Variants in GPC6 observed in about 807,000 individuals in gnomAD.
GPC6 encodes the protein glypican-6.
GPC6 carries 14 observed loss-of-function variants against 55.2 expected under a neutral mutation model. The observed-to-expected ratio is 0.25, with a 90% CI of 0.17 to 0.40. The LOEUF is 0.40. GPC6 is among the 10% of genes least tolerant of loss of function. The probability of loss-of-function intolerance (pLI) is 1.00; values close to 1 mark genes in which losing one functional copy is unlikely to be tolerated. For missense variants in GPC6, 641 were observed against 708.5 expected (o/e 0.90, Z 1.08); for synonymous variants, 278 against 259.6 (o/e 1.07, Z -0.68).
At chr13:94,102,829 G>A (rs1388804359) in intron 4 of GPC6, among the ~76,000 whole-genome samples, 1 of 152,080 alleles carries the variant, frequency 6.6e-6, no homozygotes. Context: ...CCACTAACAG[G>A]CTTTGTAATC....
intron 2 of GPC6, among the ~76,000 whole-genome samples, chr13:93,584,889 C>A (rs1877120844): frequency 6.6e-6 from 1 of 151,786 alleles, no homozygotes; most frequent in African/African-American, 2.4e-5. Context: ...TGGGTTTCAC[C>A]ACATTGCCCA....
intron 3 of GPC6, among the ~76,000 whole-genome samples, chr13:93,865,320 G>A (rs1336486219): frequency 2.6e-5 from 4 of 151,694 alleles, no homozygotes; most frequent in Non-Finnish European, 5.9e-5. Flanking sequence ...AATGATAAAT[G>A]TCTGGCCTAC....
Position 93,879,549 on chromosome 13 carries a change from A to G in GPC6, c.711+49004A>G, listed in dbSNP as rs1178036390. ...AAACTGGATCCCTTCCTTACACCTT[A>G]TACAAAAATCAATTCAAGATGGATT... On this transcript the variant is annotated intron_variant, in intron 3 of 8. Transcript: ENST00000377047. 4.0e-5 allele frequency among the ~76,000 whole-genome samples: 6 copies of G among 151,816 alleles called. No homozygotes were observed. In the South Asian group the frequency reaches 1.0e-3, roughly 26 times the overall value.
At chr13:93,484,250 T>C (rs4123444) in intron 1 of GPC6, among the ~76,000 whole-genome samples, 121,004 of 151,972 alleles carry the variant, frequency 0.8, 48,330 homozygotes, top group East Asian at 0.99. Context: ...TATCATTTTC[T>C]GTAGGATATT....
chr13:93,579,445 A>C (rs1342742522), intron 2 of GPC6, among the ~76,000 whole-genome samples: 1 of 151,932 alleles, frequency 6.6e-6, no homozygotes, highest in Non-Finnish European at 1.5e-5. Flanking sequence ...AAGAAGGAGG[A>C]GAAAAAGGAG....
At chr13:93,938,146 C>A (rs1280469375) in intron 3 of GPC6, among the ~76,000 whole-genome samples, 2 of 152,022 alleles carry the variant, frequency 1.3e-5, no homozygotes, top group African/African-American at 4.8e-5. Flanking sequence ...TACTGTAATA[C>A]CTTTAAAAAA....
chr13:93,574,126 C>A (rs562774667), intron 2 of GPC6, among the ~76,000 whole-genome samples: 34 of 152,170 alleles, frequency 2.2e-4, no homozygotes, highest in African/African-American at 7.9e-4. Flanking sequence ...AATTTGCATA[C>A]CGTTAGAGGC....
At chr13:93,267,733 A>T (rs1877372152) in intron 1 of GPC6, among the ~76,000 whole-genome samples, 1 of 152,204 alleles carries the variant, frequency 6.6e-6, no homozygotes, top group South Asian at 2.1e-4. Flanking sequence ...AGTATTATCT[A>T]CTGCTTTCCA....
At chr13:94,115,565 G>A (rs945632751) in intron 4 of GPC6, among the ~76,000 whole-genome samples, 1 of 152,094 alleles carries the variant, frequency 6.6e-6, no homozygotes, top group Admixed American at 6.6e-5. Context: ...AAACCAGCTA[G>A]TCATGACCAG....
At chr13:93,393,630 T>TTCTC (rs386380249) in intron 1 of GPC6, among the ~76,000 whole-genome samples, 9 of 65,914 alleles carry the variant, frequency 1.4e-4, no homozygotes, top group East Asian at 8.4e-4. Flanking sequence ...CTTAGACCTG[T>TTCTC]TCTCTCTCTC....
chr13:93,954,994 C>T (rs1879435660), intron 3 of GPC6, among the ~76,000 whole-genome samples: 1 of 152,098 alleles, frequency 6.6e-6, no homozygotes, highest in Admixed American at 6.6e-5. Flanking sequence ...TTCCCTCCAC[C>T]AGTGACATCT....
chr13:93,358,989 G>GT (rs1555293629), intron 1 of GPC6, among the ~76,000 whole-genome samples: 86 of 54,988 alleles, frequency 1.6e-3, no homozygotes, highest in East Asian at 1.9e-3. Context: ...TTTTTTTTTT[G>GT]TTTTTTTTTT....
intron 4 of GPC6, among the ~76,000 whole-genome samples, chr13:94,281,762 TC>T (rs1330840187): frequency 6.6e-6 from 1 of 152,178 alleles, no homozygotes; most frequent in Non-Finnish European, 1.5e-5. Context: ...TCAGAATTGT[TC>T]CCTTCTTCCA....
intron 4 of GPC6, among the ~76,000 whole-genome samples, chr13:94,044,855 C>T (rs909331196): frequency 1.3e-5 from 2 of 151,628 alleles, no homozygotes; most frequent in African/African-American, 4.8e-5. Context: ...TTAATTTTTC[C>T]ACCTATTCAT....
chr13:93,981,013 T>G (rs1880779560), intron 3 of GPC6, among the ~76,000 whole-genome samples: 1 of 152,172 alleles, frequency 6.6e-6, no homozygotes, highest in Non-Finnish European at 1.5e-5. Flanking sequence ...AAAGCTATTT[T>G]CTATTACCTC....
chr13:94,088,762 A>G (rs9561498), intron 4 of GPC6, among the ~76,000 whole-genome samples: 120,411 of 152,058 alleles, frequency 0.79, 48,015 homozygotes, highest in South Asian at 0.88. Context: ...AGACTCCAAC[A>G]GAGTATAGCA....
chr13:93,695,042 T>C (rs1882399898), intron 2 of GPC6, among the ~76,000 whole-genome samples: 2 of 152,124 alleles, frequency 1.3e-5, no homozygotes, highest in Admixed American at 6.5e-5. Flanking sequence ...TCAGAAACGA[T>C]GCATATGTGA....
chr13:93,355,254 C>T (rs1222559202), intron 1 of GPC6, among the ~76,000 whole-genome samples: 1 of 152,154 alleles, frequency 6.6e-6, no homozygotes, highest in Non-Finnish European at 1.5e-5. Context: ...TAGCCATTTT[C>T]TGCTGACGTG....
At position 93,302,211 on chromosome 13, in the gene GPC6, G is replaced by A. The variant is rs117615163; in HGVS notation, c.160+74595G>A. Among the ~76,000 whole-genome samples, 173 of 152,270 alleles carry A rather than the reference G, an allele frequency of 1.1e-3. 1 individual carries two copies. Among genetic ancestry groups the A allele is most frequent in the Middle Eastern group, 3.4e-3 (1 of 294 alleles). On this transcript the variant is annotated intron_variant, in intron 1 of 8. Coordinates refer to ENST00000377047, the MANE Select transcript of GPC6 (RefSeq NM_005708.5). Reference sequence around the variant, plus strand: ...TATTTTAAACATTAAATCTTAAAACGTGTGGGATCTGGTGTGTTTCCTGCC... The same window carrying A: ...TATTTTAAACATTAAATCTTAAAACATGTGGGATCTGGTGTGTTTCCTGCC...
Sources: allele counts gnomAD v4.1 joint callset (sites outside exome capture counted in the v4.1 genomes callset), GRCh38; gene constraint gnomAD v4.1.1; transcripts MANE v1.5; gene names NCBI Gene and HGNC (gene_info 2026-07-23, HGNC 2026-07-21).